Variants in AKAP12 observed in about 807,000 individuals in gnomAD.
AKAP12 encodes the protein A-kinase anchoring protein 12.
A neutral mutation model predicts 79.9 loss-of-function variants in AKAP12; 32 were observed. The observed-to-expected ratio is 0.40, with a 90% CI of 0.30 to 0.54. AKAP12 has a LOEUF of 0.54. Ranked by LOEUF, AKAP12 falls within the 20% of genes least tolerant of loss-of-function variation. The pLI is 0.48. For missense variants in AKAP12, 2,074 were observed against 2,177.0 expected (o/e 0.95, Z 0.94); for synonymous variants, 808 against 857.0 (o/e 0.94, Z 1.00).
At chr6:151,287,161 G>T (rs1240813810) in intron 2 of AKAP12, among the ~76,000 whole-genome samples, 1 of 151,968 alleles carries the variant, frequency 6.6e-6, no homozygotes, top group Non-Finnish European at 1.5e-5. Flanking sequence ...GGATGGTCTC[G>T]ATCTCCTGAC....
chr6:151,306,948 A>T (rs1162817686), intron 3 of AKAP12, among the ~76,000 whole-genome samples: 4 of 152,348 alleles, frequency 2.6e-5, no homozygotes, highest in African/African-American at 7.2e-5. Flanking sequence ...TCCCATGTTA[A>T]CTTTTGAATC....
In AKAP12 at chr6:151,350,236, G is replaced by T. The variant is rs1778243447; in HGVS notation, c.1845G>T (p.Lys615Asn). 4 of 1,614,080 alleles carry T rather than the reference G, an allele frequency of 2.5e-6. No individual in the cohort carries two copies. The highest frequency in any genetic ancestry group is 3.4e-6 in the Non-Finnish European group (4 of 1,180,014). Residue 615 changes from lysine (K) to asparagine (N), a missense_variant, in exon 4 of 5, where the codon AAG becomes AAT. Transcript: ENST00000402676. The surrounding 1 kb of genome is among the most constrained non-coding windows in gnomAD (Gnocchi z 4.8). ...TCACTCCCTGGGCATCATTCAAAAA[G>T]ATGGTGACGCCCAAGAAGCGTGTTA... Reference protein sequence around the residue: ...EGVTPWASFKKMVTPKKRVRR... With the variant: ...EGVTPWASFKNMVTPKKRVRR...
intron 2 of AKAP12, among the ~76,000 whole-genome samples, chr6:151,267,300 C>G (rs192288805): frequency 1.3e-5 from 2 of 152,198 alleles, no homozygotes; most frequent in African/African-American, 4.8e-5. Flanking sequence ...TGAATAGACT[C>G]TTATGCCATA....
chr6:151,319,853 C>G (rs1031685143), intron 3 of AKAP12: 1 of 153,350 alleles, frequency 6.5e-6, no homozygotes, highest in Non-Finnish European at 1.5e-5. Context: ...CCTGCTAGAA[C>G]CTCCAAACAC....
chr6:151,291,006 C>T (rs1275048056), intron 2 of AKAP12, among the ~76,000 whole-genome samples: 3 of 152,182 alleles, frequency 2.0e-5, no homozygotes, highest in Non-Finnish European at 4.4e-5. Context: ...ACCTTACCTG[C>T]ATAGAAACTC....
At chr6:151,315,365 GACAA>G (rs1156957328) in intron 3 of AKAP12, among the ~76,000 whole-genome samples, 1 of 152,142 alleles carries the variant, frequency 6.6e-6, no homozygotes, top group Non-Finnish European at 1.5e-5. Flanking sequence ...GGGCAGAGGG[GACAA>G]ACAAACACCC....
chr6:151,288,053 G>C (rs983402531), intron 2 of AKAP12, among the ~76,000 whole-genome samples: 4 of 151,650 alleles, frequency 2.6e-5, no homozygotes, highest in Non-Finnish European at 4.4e-5. Context: ...ATCACACACC[G>C]GGGCCTGTTG....
At chr6:151,277,984 AT>A (rs1387334273) in intron 2 of AKAP12, among the ~76,000 whole-genome samples, 13 of 146,876 alleles carry the variant, frequency 8.9e-5, no homozygotes, top group African/African-American at 3.2e-4. Context: ...CTGTCTGTTT[AT>A]TTTTTTCTAC....
intron 2 of AKAP12, among the ~76,000 whole-genome samples, chr6:151,266,254 T>C (rs571709251): frequency 2.0e-4 from 30 of 152,248 alleles, no homozygotes; most frequent in Non-Finnish European, 4.0e-4. Context: ...GGATCACATA[T>C]TTTTCTCTTC....
chr6:151,294,894 G>C (rs981692003), intron 2 of AKAP12, among the ~76,000 whole-genome samples: 23 of 152,194 alleles, frequency 1.5e-4, no homozygotes, highest in African/African-American at 5.3e-4. Flanking sequence ...ATGTGACTCA[G>C]AGAGGGTTCC....
chr6:151,252,354 C>T (rs796999749), intron 2 of AKAP12, among the ~76,000 whole-genome samples: 5 of 152,118 alleles, frequency 3.3e-5, no homozygotes, highest in African/African-American at 1.2e-4. Context: ...GGCCACCATG[C>T]CTGGCTAATT....
intron 3 of AKAP12, among the ~76,000 whole-genome samples, chr6:151,327,388 T>C (rs1383043682): frequency 2.0e-5 from 3 of 152,152 alleles, no homozygotes; most frequent in Non-Finnish European, 4.4e-5. Context: ...AAATAGACTG[T>C]ACAAAATGAA....
chr6:151,358,243 A>G lies in AKAP12; in HGVS notation c.*2529A>G, dbSNP rs931035470. On this transcript the variant is annotated 3_prime_UTR_variant, in exon 5 of 5. Transcript: ENST00000402676. ...TTTTGGCATTACTACAGAGCCATGT[A>G]CAATAGAAAGCAATGCAAGACTTGT... 6.6e-6 allele frequency: 1 copy of G among 152,254 alleles called. No homozygotes were observed. The highest frequency in any genetic ancestry group is 1.5e-5 in the Non-Finnish European group (1 of 68,046). The allele number at this position is 152,254 out of a possible 1,614,324, so 9.4% of individuals were successfully genotyped here. A position where few individuals can be genotyped will look rare whatever the true frequency, so the allele number is the denominator to read the frequency against.
rs781370980 is a variant in AKAP12 at position 151,351,554 on chromosome 6, C to T, written c.3163C>T (p.Gln1055Ter). 2 of 1,613,970 alleles carry T rather than the reference C, an allele frequency of 1.2e-6. No homozygotes were observed. The highest frequency in any genetic ancestry group is 1.7e-6 in the Non-Finnish European group (2 of 1,180,036). ...AVAEKVKEES[Q>*]LPGTGGPEDV... ...GGCAGAAAAAGTGAAAGAGGAATCC[C>T]AGCTGCCTGGCACCGGTGGGCCAGA... Residue 1055 changes from glutamine (Q) to a stop codon, truncating the protein, a stop_gained, in exon 4 of 5, where the codon CAG (glutamine) becomes TAG (stop). Transcript: ENST00000402676. LOFTEE classifies it low-confidence loss of function (END_TRUNC). The surrounding 1 kb of genome is among the most constrained non-coding windows in gnomAD (Gnocchi z 4.4).
chr6:151,243,604 T>C (rs900467812), intron 2 of AKAP12, among the ~76,000 whole-genome samples: 6 of 152,198 alleles, frequency 3.9e-5, no homozygotes, highest in Non-Finnish European at 8.8e-5. Flanking sequence ...GGAGTCTTTA[T>C]CTTCTATTCA....
rs1389763982 is a variant in AKAP12, at chr6:151,357,333, A to G, written c.*1619A>G. The G allele has an allele frequency of 6.6e-6, 1 of 152,166 alleles. No homozygotes were observed. Among genetic ancestry groups the G allele is most frequent in the Non-Finnish European group, 1.5e-5 (1 of 68,070 alleles). 9.4% of individuals were successfully genotyped at this position (152,166 alleles called of 1,614,324 possible). On this transcript the variant is annotated 3_prime_UTR_variant, in exon 5 of 5. Transcript: ENST00000402676. ...CCTACATTAAGGGTTTTGTCAGACAATTGTCACACGAAGAATAGTGTCACT... is the reference window on the plus strand; with the variant it reads ...CCTACATTAAGGGTTTTGTCAGACAGTTGTCACACGAAGAATAGTGTCACT...
rs1470810279 is a variant in AKAP12 at position 151,352,161 on chromosome 6, T to A, written c.3770T>A (p.Ile1257Asn). The change falls in exon 4 of 5, where the codon ATT becomes AAT. Residue 1257 changes from isoleucine (I) to asparagine (N), a missense_variant. By Grantham distance (149) the Ile-to-Asn change is moderately radical. This residue lies in a region of AKAP12 where 614 missense variants were observed against 665.6 expected (regional missense o/e 0.92). Coordinates refer to ENST00000402676, the MANE Select transcript of AKAP12 (RefSeq NM_005100.4). ...GAGGTGTCAGTGGAAACTGTATCCA[T>A]TCTGTCAAAGACTGAGGGGACTCAA... ...DKEVSVETVS[I>N]LSKTEGTQEA... The A allele has an allele frequency of 1.9e-6, 3 of 1,614,082 alleles. No individual in the cohort carries two copies. Among genetic ancestry groups the A allele is most frequent in the African/African-American group, 1.3e-5 (1 of 74,932 alleles).
chr6:151,304,175 A>C (rs970401628), intron 2 of AKAP12, among the ~76,000 whole-genome samples: 1 of 152,062 alleles, frequency 6.6e-6, no homozygotes, highest in Non-Finnish European at 1.5e-5. Context: ...TTTTTTACCT[A>C]TATTCTCAGG....
chr6:151,241,341 C>T (rs1478669758), intron 2 of AKAP12, among the ~76,000 whole-genome samples: 1 of 152,224 alleles, frequency 6.6e-6, no homozygotes, highest in Non-Finnish European at 1.5e-5. Context: ...CCAGGAAAAA[C>T]CTGGGCAGGC....
Sources: allele counts gnomAD v4.1 joint callset (sites outside exome capture counted in the v4.1 genomes callset), GRCh38; gene constraint gnomAD v4.1.1; regional missense constraint gnomAD v4.1.1; non-coding constraint Gnocchi (gnomAD v3.1); transcripts MANE v1.5; gene names NCBI Gene and HGNC (gene_info 2026-07-23, HGNC 2026-07-21).